RAB2A: variants seen among roughly 807,000 people sequenced by gnomAD.
RAB2A encodes RAB2A, member RAS oncogene family.
In RAB2A, 7 loss-of-function variants were observed where a neutral mutation model predicts 32.5. The ratio of observed to expected loss-of-function variants is 0.22; its 90% CI spans 0.12 to 0.40. The LOEUF (loss-of-function observed/expected upper bound fraction) is 0.40, where lower values mean the gene tolerates loss of function less well. RAB2A is among the 10% of genes least tolerant of loss of function. RAB2A has a pLI of 1.00. For synonymous variants in RAB2A, 79 were observed against 85.2 expected (o/e 0.93, Z 0.40); for missense variants, 108 against 260.7 (o/e 0.41, Z 4.03).
intron 5 of RAB2A, among the ~76,000 whole-genome samples, chr8:60,591,102 A>T (rs529686447): frequency 7.0e-6 from 1 of 142,902 alleles, no homozygotes; most frequent in Admixed American, 6.8e-5. Flanking sequence ...GTAATAATAA[A>T]TAATATATAA....
intron 1 of RAB2A, chr8:60,558,437 C>T (rs1807970702): frequency 1.9e-6 from 1 of 513,448 alleles, no homozygotes; most frequent in South Asian, 1.4e-5. Context: ...ATCTCAGACA[C>T]TTATTGCTGG....
intron 2 of RAB2A, among the ~76,000 whole-genome samples, chr8:60,569,420 G>A (rs1808163197): frequency 6.6e-6 from 1 of 152,120 alleles, no homozygotes; most frequent in South Asian, 2.1e-4. Context: ...TACTTAACAG[G>A]TTTATTTAAA....
At chr8:60,575,978 C>G (rs1803610705) in intron 3 of RAB2A, among the ~76,000 whole-genome samples, 1 of 152,076 alleles carries the variant, frequency 6.6e-6, no homozygotes, top group Non-Finnish European at 1.5e-5. Flanking sequence ...TCATTTTTAT[C>G]TTCAAAAAAT....
intron 2 of RAB2A, among the ~76,000 whole-genome samples, chr8:60,562,983 A>G (rs552947119): frequency 9.2e-5 from 14 of 151,496 alleles, no homozygotes; most frequent in African/African-American, 3.1e-4. Flanking sequence ...AACATTTTTG[A>G]CACCCATCAC....
At chr8:60,570,651 C>A (rs1022113380) in intron 2 of RAB2A, among the ~76,000 whole-genome samples, 6 of 152,102 alleles carry the variant, frequency 3.9e-5, no homozygotes, top group Non-Finnish European at 8.8e-5. Context: ...ATTTTTCAGT[C>A]TGATACATCA....
At chr8:60,618,670 T>G in intron 7 of RAB2A, 22 bp downstream of exon 7, 1 of 929,882 alleles carries the variant, frequency 1.1e-6, no homozygotes, top group Non-Finnish European at 1.5e-6. Flanking sequence ...TAAATATTGT[T>G]GGTCAATATT....
intron 1 of RAB2A, among the ~76,000 whole-genome samples, chr8:60,555,725 G>A (rs1044712364): frequency 4.6e-5 from 7 of 152,156 alleles, no homozygotes; most frequent in African/African-American, 1.4e-4. Flanking sequence ...TGAGGATTCA[G>A]AGAAAAGAGA....
At chr8:60,586,582 T>C (rs1307901747) in intron 5 of RAB2A, among the ~76,000 whole-genome samples, 2 of 151,988 alleles carry the variant, frequency 1.3e-5, no homozygotes, top group African/African-American at 2.4e-5. Flanking sequence ...TGTTCATGGA[T>C]TGTAAAACTA....
intron 2 of RAB2A, among the ~76,000 whole-genome samples, chr8:60,563,380 G>A (rs540231322): frequency 6.6e-6 from 1 of 152,332 alleles, no homozygotes; most frequent in African/African-American, 2.4e-5. Context: ...AGCAGCATCA[G>A]TATCACGTGG....
upstream of RAB2A, chr8:60,516,929 C>G: frequency 3.2e-6 from 1 of 314,472 alleles, no homozygotes; most frequent in Non-Finnish European, 5.9e-6. Context: ...GCGGCGCCGG[C>G]GGCCGCAGAA....
intron 5 of RAB2A, among the ~76,000 whole-genome samples, chr8:60,589,408 A>G (rs1803899308): frequency 6.6e-6 from 1 of 152,242 alleles, no homozygotes; most frequent in South Asian, 2.1e-4. Context: ...GTGGATAGAC[A>G]TCAAAACAGG....
chr8:60,620,857 A>G lies in RAB2A; in HGVS notation c.*88A>G, dbSNP rs1804515764. The G allele has an allele frequency of 1.8e-6, 2 of 1,088,916 alleles. No individual in the cohort carries two copies. The highest frequency in any genetic ancestry group is 2.6e-6 in the Non-Finnish European group (2 of 764,974). The allele number at this position is 1,088,916 out of a possible 1,614,324, so 67.5% of individuals were successfully genotyped here. ...TCCTGCTCAGCTGAGACATGAAACT[A>G]TTTGAAATGGCTTTATGTCACAGAA... On this transcript the variant is annotated 3_prime_UTR_variant, in exon 8 of 8. Transcript: ENST00000262646.
intron 1 of RAB2A, among the ~76,000 whole-genome samples, chr8:60,555,648 G>T (rs547086295): frequency 2.5e-4 from 38 of 152,096 alleles, no homozygotes; most frequent in Non-Finnish European, 4.1e-4. Flanking sequence ...AGCCAGTACC[G>T]CAGTGAGATA....
intron 2 of RAB2A, among the ~76,000 whole-genome samples, chr8:60,571,321 G>A (rs139354917): frequency 6.6e-6 from 1 of 152,088 alleles, no homozygotes; most frequent in African/African-American, 2.4e-5. Context: ...TAAATCTGTA[G>A]CAATAAAGTA....
intron 5 of RAB2A, among the ~76,000 whole-genome samples, chr8:60,587,787 C>T (rs1336160277): frequency 1.3e-5 from 2 of 151,876 alleles, no homozygotes; most frequent in African/African-American, 2.4e-5. Context: ...TGAAGAAAAA[C>T]GGTTACAAAA....
intron 3 of RAB2A, among the ~76,000 whole-genome samples, chr8:60,575,247 T>C (rs547138715): frequency 6.6e-6 from 1 of 152,040 alleles, no homozygotes; most frequent in African/African-American, 2.4e-5. Flanking sequence ...TACACATGCA[T>C]GCCACCACAT....
chr8:60,599,215 C>T (rs527910635), intron 6 of RAB2A, among the ~76,000 whole-genome samples: 1 of 152,140 alleles, frequency 6.6e-6, no homozygotes, highest in Non-Finnish European at 1.5e-5. Flanking sequence ...AGGGGTGAAT[C>T]TAAAAACAGC....
At chr8:60,540,527 T>C (rs1807624413) in intron 1 of RAB2A, among the ~76,000 whole-genome samples, 1 of 152,224 alleles carries the variant, frequency 6.6e-6, no homozygotes, top group Non-Finnish European at 1.5e-5. Context: ...TCGCTCAGGC[T>C]GAAGTGCAAT....
chr8:60,537,850 T>A (rs138931915), intron 1 of RAB2A, among the ~76,000 whole-genome samples: 1 of 152,142 alleles, frequency 6.6e-6, no homozygotes, highest in East Asian at 1.9e-4. Flanking sequence ...CTGGCTAATT[T>A]TTGATTTTTT....
Sources: allele counts gnomAD v4.1 joint callset (sites outside exome capture counted in the v4.1 genomes callset), GRCh38; gene constraint gnomAD v4.1.1; transcripts MANE v1.5; gene names NCBI Gene and HGNC (gene_info 2026-07-23, HGNC 2026-07-21).